CFAP20DC: variants seen among roughly 807,000 people sequenced by gnomAD.
CFAP20DC encodes the protein CFAP20 domain containing, also known as protein CFAP20DC.
CFAP20DC carries 84 observed loss-of-function variants against 101.7 expected under a neutral mutation model. That is an observed-to-expected ratio of 0.83 (90% CI 0.69 to 0.99). CFAP20DC has a LOEUF of 0.99. CFAP20DC is among the 50% of genes least tolerant of loss of function. The probability of loss-of-function intolerance (pLI) is 0.00; values close to 1 mark genes in which losing one functional copy is unlikely to be tolerated. For missense variants in CFAP20DC, 1,007 were observed against 970.3 expected (o/e 1.04, Z -0.50); for synonymous variants, 359 against 351.2 (o/e 1.02, Z -0.25).
intron 13 of CFAP20DC, among the ~76,000 whole-genome samples, chr3:58,833,611 C>T (rs1021611881): frequency 8.5e-5 from 13 of 152,118 alleles, no homozygotes; most frequent in Non-Finnish European, 1.8e-4. Context: ...AACCCTCATA[C>T]AGTGTTGGCA....
At position 59,015,145 on chromosome 3, in the gene CFAP20DC, G is replaced by C. The variant is rs909906839; in HGVS notation, c.278+24412C>G. Reference sequence around the variant, plus strand: ...GCTGAACAGGTGCGGGAGGAGGCAGGCTTGGACCCTGAATAATCCTGCAGG... The same window carrying C: ...GCTGAACAGGTGCGGGAGGAGGCAGCCTTGGACCCTGAATAATCCTGCAGG... On this transcript the variant is annotated intron_variant, in intron 4 of 16. Coordinates refer to ENST00000482387, the MANE Select transcript of CFAP20DC (RefSeq NM_001394063.1). This position sits in a 1 kb window ranked among gnomAD's most constrained non-coding sequence, Gnocchi z 5.4. Among the ~76,000 whole-genome samples the C allele has an allele frequency of 4.6e-5, 7 of 152,040 alleles. No homozygotes were observed. Among genetic ancestry groups the C allele is most frequent in the Non-Finnish European group, 8.8e-5 (6 of 68,004 alleles).
intron 14 of CFAP20DC, among the ~76,000 whole-genome samples, chr3:58,814,601 G>T (rs1236817647): frequency 6.6e-6 from 1 of 151,260 alleles, no homozygotes; most frequent in Non-Finnish European, 1.5e-5. Context: ...TGTATATCTA[G>T]AAAACCCCAT....
intron 4 of CFAP20DC, among the ~76,000 whole-genome samples, chr3:59,010,999 T>C (rs185457491): frequency 1.3e-5 from 2 of 152,212 alleles, no homozygotes; most frequent in East Asian, 3.9e-4. Context: ...AATGAAAAAA[T>C]TCTTTCAACT....
chr3:58,973,922 C>T (rs1220434975), intron 4 of CFAP20DC, among the ~76,000 whole-genome samples: 1 of 152,088 alleles, frequency 6.6e-6, no homozygotes, highest in African/African-American at 2.4e-5. Context: ...TCTCTCTCAT[C>T]CTGTCTTCTG....
Position 58,913,457 on chromosome 3 carries a change from G to C in CFAP20DC, c.550+251C>G. On this transcript the variant is annotated intron_variant, in intron 6 of 16. Coordinates refer to ENST00000482387, the MANE Select transcript of CFAP20DC (RefSeq NM_001394063.1). This position sits in a 1 kb window ranked among gnomAD's most constrained non-coding sequence, Gnocchi z 4.4. ...GTTTGTAACTAAGGAGCCTAAGACA[G>C]ATAGCAAGTGTTACCATAAAGAAAA... 1 of 599,900 alleles carries C rather than the reference G, an allele frequency of 1.7e-6. No individual in the cohort carries two copies. Among genetic ancestry groups the C allele is most frequent in the South Asian group, 2.1e-5 (1 of 47,856 alleles). 37.2% of individuals were successfully genotyped at this position (599,900 alleles called of 1,614,324 possible). A position where few individuals can be genotyped will look rare whatever the true frequency, so the allele number is the denominator to read the frequency against.
chr3:58,815,892 A>G (rs1047717705), intron 14 of CFAP20DC, among the ~76,000 whole-genome samples: 1 of 151,356 alleles, frequency 6.6e-6, no homozygotes, highest in African/African-American at 2.5e-5. Context: ...AGAAATAGGA[A>G]CACTTTTACA....
Position 58,729,732 on chromosome 3 carries a change from T to C in CFAP20DC, c.198-12104A>G, listed in dbSNP as rs1175661811. Among the ~76,000 whole-genome samples, 1 of 152,080 alleles carries C rather than the reference T, an allele frequency of 6.6e-6. No individual in the cohort carries two copies. Among genetic ancestry groups the C allele is most frequent in the Non-Finnish European group, 1.5e-5 (1 of 67,992 alleles). Reference sequence around the variant, plus strand: ...CAAATTAGTCTGCTATTATTGAAAGTTGAGGCTGGGATCGGTGGCTCATGC... The same window carrying C: ...CAAATTAGTCTGCTATTATTGAAAGCTGAGGCTGGGATCGGTGGCTCATGC... On this transcript the variant is annotated intron_variant, in intron 3 of 3. Transcript: ENST00000486145. This position sits in a 1 kb window ranked among gnomAD's most constrained non-coding sequence, Gnocchi z 4.4.
chr3:58,794,974 G>A (rs1306403041), intron 15 of CFAP20DC, among the ~76,000 whole-genome samples: 3 of 152,176 alleles, frequency 2.0e-5, no homozygotes, highest in Admixed American at 1.3e-4. Flanking sequence ...ATGAGATCAT[G>A]AGTCTACGGA....
At chr3:59,023,450 G>A (rs1031498855) in intron 4 of CFAP20DC, among the ~76,000 whole-genome samples, 9 of 152,058 alleles carry the variant, frequency 5.9e-5, no homozygotes, top group Non-Finnish European at 1.2e-4. Context: ...CTTAAAGAAC[G>A]ATTAGGGTTC....
intron 5 of CFAP20DC, among the ~76,000 whole-genome samples, chr3:58,923,396 C>T (rs2085602963): frequency 6.6e-6 from 1 of 152,006 alleles, no homozygotes; most frequent in African/African-American, 2.4e-5. Flanking sequence ...TTAATATTTT[C>T]GTAGCATCAG....
At chr3:58,967,981 G>C (rs1414805020) in intron 4 of CFAP20DC, among the ~76,000 whole-genome samples, 1 of 152,148 alleles carries the variant, frequency 6.6e-6, no homozygotes, top group African/African-American at 2.4e-5. Context: ...CTGTTCCTGT[G>C]ATAGTCTGCT....
chr3:58,957,596 C>T (rs2090757608), intron 4 of CFAP20DC, among the ~76,000 whole-genome samples: 1 of 152,124 alleles, frequency 6.6e-6, no homozygotes, highest in Non-Finnish European at 1.5e-5. Flanking sequence ...GATTTGGAAG[C>T]AAACCAAGTG....
At chr3:58,903,174 A>G (rs551748858) in intron 6 of CFAP20DC, among the ~76,000 whole-genome samples, 1 of 152,314 alleles carries the variant, frequency 6.6e-6, no homozygotes, top group South Asian at 2.1e-4. Context: ...CAATTTATCT[A>G]TTTTTAAAAA....
At chr3:59,026,288 T>TA (rs1007839013) in intron 4 of CFAP20DC, among the ~76,000 whole-genome samples, 1 of 152,162 alleles carries the variant, frequency 6.6e-6, no homozygotes, top group Non-Finnish European at 1.5e-5. Context: ...ACTTCTAGTT[T>TA]AAAAAAGAGC....
At position 58,799,907 on chromosome 3, in the gene CFAP20DC, C is replaced by T. The variant is rs1294139151; in HGVS notation, c.2237+6488G>A. ...CTCCTGAGGAGAGGATGTTTATTTA[C>T]GTGGAGACTCTACTGACAGGGAGAG... On this transcript the variant is annotated intron_variant, in intron 15 of 16. Coordinates refer to ENST00000482387, the MANE Select transcript of CFAP20DC (RefSeq NM_001394063.1). This position sits in a 1 kb window ranked among gnomAD's most constrained non-coding sequence, Gnocchi z 4.9. Among the ~76,000 whole-genome samples the T allele has an allele frequency of 2.0e-5, 3 of 152,140 alleles. No homozygotes were observed. The highest frequency in any genetic ancestry group is 2.4e-5 in the African/African-American group (1 of 41,422).
chr3:58,824,169 CT>C (rs1011594148), intron 14 of CFAP20DC, among the ~76,000 whole-genome samples: 18 of 152,104 alleles, frequency 1.2e-4, no homozygotes, highest in African/African-American at 4.3e-4. Flanking sequence ...AACTGCATAC[CT>C]TTTTAGTTCA....
At position 58,985,738 on chromosome 3, in the gene CFAP20DC, TA is replaced by T. The variant is rs370266476; in HGVS notation, c.279-47977del. On this transcript the variant is annotated intron_variant, in intron 4 of 16. Transcript: ENST00000482387. The stretch of plus-strand genomic sequence containing the variant: ...CATACCTCTAACTAAAAGGCAAAAA[TA>T]AAAACTCTATTTTATTTAAAGTCTT... 2.6e-3 allele frequency among the ~76,000 whole-genome samples: 397 copies of T among 152,300 alleles called. 3 individuals are homozygous for T. Among genetic ancestry groups the T allele is most frequent in the African/African-American group, 9.3e-3 (386 of 41,570 alleles).
At chr3:58,846,247 T>C (rs1179224670) in intron 13 of CFAP20DC, among the ~76,000 whole-genome samples, 1 of 151,830 alleles carries the variant, frequency 6.6e-6, no homozygotes, top group Non-Finnish European at 1.5e-5. Flanking sequence ...GATGACATGA[T>C]TGTATATCTA....
At chr3:58,785,361 A>C (rs970059103) in intron 15 of CFAP20DC, among the ~76,000 whole-genome samples, 2 of 152,056 alleles carry the variant, frequency 1.3e-5, no homozygotes, top group Non-Finnish European at 2.9e-5. Flanking sequence ...ATAAATTCCA[A>C]AGTTTGATAG....
Sources: gnomAD v4.1 joint callset for allele counts (sites outside exome capture counted in the v4.1 genomes callset) on GRCh38, gnomAD v4.1.1 for gene constraint, Gnocchi (gnomAD v3.1) non-coding constraint, MANE v1.5 for transcripts, NCBI Gene and HGNC (gene_info 2026-07-23, HGNC 2026-07-21) for gene names.